CAB39L: variants seen among roughly 807,000 people sequenced by gnomAD.
CAB39L encodes calcium-binding protein 39-like.
CAB39L carries 23 observed loss-of-function variants against 39.1 expected under a neutral mutation model. The observed-to-expected ratio is 0.59, with a 90% confidence interval of 0.42 to 0.83. CAB39L has a LOEUF of 0.83. Ranked by LOEUF, CAB39L falls within the 40% of genes least tolerant of loss-of-function variation. CAB39L has a pLI of 0.00. For missense variants in CAB39L, 366 were observed against 391.9 expected, an observed-to-expected ratio of 0.93 and a Z score of 0.56; for synonymous variants, 126 against 137.2, an observed-to-expected ratio of 0.92 and a Z score of 0.57.
chr13:49,365,219 T>C (rs866123075), intron 5 of CAB39L, among the ~76,000 whole-genome samples: 5 of 152,140 alleles, frequency 3.3e-5, no homozygotes, highest in African/African-American at 1.2e-4. Context: ...CTTCAACAAA[T>C]AGTGCAGAGA....
At chr13:49,352,348 T>C (rs548590317) in intron 6 of CAB39L, among the ~76,000 whole-genome samples, 24 of 152,248 alleles carry the variant, frequency 1.6e-4, no homozygotes, top group African/African-American at 5.8e-4. Flanking sequence ...CAACAAGCCC[T>C]GTATTGAAAT....
intron 3 of CAB39L, among the ~76,000 whole-genome samples, chr13:49,416,544 GC>G (rs1957087378): frequency 6.6e-6 from 1 of 152,174 alleles, no homozygotes; most frequent in Non-Finnish European, 1.5e-5. Flanking sequence ...AGGAGACAGT[GC>G]TTTCTTCCCC....
At chr13:49,440,815 T>C (rs1957504280) in intron 1 of CAB39L, among the ~76,000 whole-genome samples, 1 of 136,334 alleles carries the variant, frequency 7.3e-6, no homozygotes, top group South Asian at 2.3e-4. Flanking sequence ...CCAACATTAT[T>C]GGTATAGAAA....
At chr13:49,369,632 G>A (rs1168353031) in intron 5 of CAB39L, among the ~76,000 whole-genome samples, 5 of 150,828 alleles carry the variant, frequency 3.3e-5, no homozygotes, top group Non-Finnish European at 7.4e-5. Flanking sequence ...CTGTCACCCA[G>A]GCTGAAGTGC....
At chr13:49,443,949 G>A in intron 1 of CAB39L, 37 bp downstream of exon 1, 2 of 456,758 alleles carry the variant, frequency 4.4e-6, no homozygotes, top group South Asian at 3.1e-5. Flanking sequence ...AAGAAGCCCA[G>A]TCCCAGCCAC....
chr13:49,359,008 G>A (rs574736162), intron 6 of CAB39L, among the ~76,000 whole-genome samples: 121 of 152,270 alleles, frequency 7.9e-4, no homozygotes, highest in Non-Finnish European at 1.4e-3. Flanking sequence ...GACTAGGTAT[G>A]AAACAGCAGA....
intron 7 of CAB39L, among the ~76,000 whole-genome samples, chr13:49,345,764 C>A (rs903691752): frequency 6.6e-6 from 1 of 152,042 alleles, no homozygotes; most frequent in Non-Finnish European, 1.5e-5. Flanking sequence ...TGGATTGCTG[C>A]ACCCATGGGA....
chr13:49,322,761 G>GT (rs748440156), intron 10 of CAB39L, among the ~76,000 whole-genome samples: 18 of 152,116 alleles, frequency 1.2e-4, no homozygotes, highest in Non-Finnish European at 2.4e-4. Flanking sequence ...CAACCCACTG[G>GT]TAATTCTTGG....
At chr13:49,423,200 C>T (rs1413489000) in intron 3 of CAB39L, among the ~76,000 whole-genome samples, 2 of 152,072 alleles carry the variant, frequency 1.3e-5, no homozygotes, top group African/African-American at 4.8e-5. Flanking sequence ...GGGTCCTTTC[C>T]GCAGAATTTC....
At chr13:49,380,350 GCTTT>G (rs1956227756) in intron 4 of CAB39L, among the ~76,000 whole-genome samples, 1 of 152,090 alleles carries the variant, frequency 6.6e-6, no homozygotes, top group South Asian at 2.1e-4. Context: ...AAACTCATAA[GCTTT>G]CTTTGTCAAT....
intron 9 of CAB39L, among the ~76,000 whole-genome samples, chr13:49,336,541 T>C (rs1009352414): frequency 6.6e-6 from 1 of 152,224 alleles, no homozygotes; most frequent in Non-Finnish European, 1.5e-5. Flanking sequence ...AACAGCTTTC[T>C]TCCTCCAAAT....
intron 6 of CAB39L, among the ~76,000 whole-genome samples, chr13:49,354,610 G>T (rs1247540925): frequency 1.3e-5 from 2 of 152,156 alleles, no homozygotes; most frequent in African/African-American, 4.8e-5. Flanking sequence ...CCCATGGCAG[G>T]TCCCCAGTAA....
intron 6 of CAB39L, among the ~76,000 whole-genome samples, chr13:49,356,471 T>A (rs1252473717): frequency 6.6e-6 from 1 of 152,170 alleles, no homozygotes; most frequent in African/African-American, 2.4e-5. Flanking sequence ...TAAGTCCTTA[T>A]TTATAATCTT....
At chr13:49,351,067 C>A (rs529200982) in intron 6 of CAB39L, 155 bp from the exon 7 acceptor site, 6 of 482,488 alleles carry the variant, frequency 1.2e-5, no homozygotes, top group African/African-American at 1.2e-4. Flanking sequence ...TACTATGTGC[C>A]TGGCACTATT....
intron 10 of CAB39L, among the ~76,000 whole-genome samples, chr13:49,311,649 G>A (rs1953991605): frequency 1.3e-5 from 2 of 151,952 alleles, no homozygotes; most frequent in Admixed American, 6.5e-5. Flanking sequence ...TGTAGGCCGA[G>A]GCTAATGTGA....
intron 3 of CAB39L, among the ~76,000 whole-genome samples, chr13:49,416,144 CT>C (rs1957081518): frequency 6.6e-6 from 1 of 152,220 alleles, no homozygotes; most frequent in Non-Finnish European, 1.5e-5. Flanking sequence ...TTTACCCCAA[CT>C]GTCTCACTGT....
chr13:49,415,566 CTGATA>C lies in CAB39L; in HGVS notation c.-32+17747_-32+17751del, dbSNP rs140003489. On this transcript the variant is annotated intron_variant, in intron 3 of 10. Coordinates refer to ENST00000409308, the MANE Select transcript of CAB39L (RefSeq NM_001079670.3). ...TAAAATAAAATTAAAAATGTGGGCT[CTGATA>C]TATTTATGATCTATACACTCTACAC... Among the ~76,000 whole-genome samples, 1,102 of 152,030 alleles carry C rather than the reference CTGATA, an allele frequency of 7.2e-3. 14 individuals carry two copies. Among genetic ancestry groups the C allele is most frequent in the African/African-American group, 0.025 (1,050 of 41,496 alleles).
chr13:49,407,110 T>C (rs1956897478), intron 3 of CAB39L, among the ~76,000 whole-genome samples: 1 of 147,964 alleles, frequency 6.8e-6, no homozygotes. Context: ...AATGGAGTTG[T>C]CTCAACTATT....
chr13:49,423,810 T>A (rs4617731), intron 3 of CAB39L, among the ~76,000 whole-genome samples: 62,140 of 151,988 alleles, frequency 0.41, 13,052 homozygotes, highest in Non-Finnish European at 0.46. Context: ...GAGCTCATCA[T>A]CTATAAGGTG....
Sources: gnomAD v4.1 joint callset for allele counts (sites outside exome capture counted in the v4.1 genomes callset) on GRCh38, gnomAD v4.1.1 for gene constraint, MANE v1.5 for transcripts, NCBI Gene and HGNC (gene_info 2026-07-23, HGNC 2026-07-21) for gene names.